MYMX: variants seen among roughly 807,000 people sequenced by gnomAD.
The protein encoded by MYMX is myomixer, myoblast fusion factor, also known as protein myomixer.
chr6:44,194,734 C>G, the MYMX span, among the ~76,000 whole-genome samples: 2 of 152,176 alleles, frequency 1.3e-5, no homozygotes, highest in South Asian at 2.1e-4. Flanking sequence ...CCCTAACTGC[C>G]AGGCCACACT....
chr6:44,212,009 T>A (rs1352441801), upstream of MYMX, among the ~76,000 whole-genome samples: 1 of 152,066 alleles, frequency 6.6e-6, no homozygotes, highest in Non-Finnish European at 1.5e-5. Context: ...CACCTGGGTT[T>A]AGGCAATCCT....
chr6:44,213,556 G>A (rs1361908966), upstream of MYMX, among the ~76,000 whole-genome samples: 1 of 151,282 alleles, frequency 6.6e-6, no homozygotes, highest in Non-Finnish European at 1.5e-5. Flanking sequence ...CGAGTAGCTG[G>A]GATTACAGGC....
At chr6:44,196,793 T>C in the MYMX span, among the ~76,000 whole-genome samples, 1 of 151,942 alleles carries the variant, frequency 6.6e-6, no homozygotes, top group Non-Finnish European at 1.5e-5. Flanking sequence ...ACCCTGTCTC[T>C]ATTAAAAATA....
chr6:44,193,926 G>C, the MYMX span, among the ~76,000 whole-genome samples: 33,035 of 152,018 alleles, frequency 0.22, 4,831 homozygotes, highest in African/African-American at 0.41. Context: ...AGAGGCTGCC[G>C]TGAACTGAGA....
chr6:44,215,644 C>T (rs1775823153), upstream of MYMX, among the ~76,000 whole-genome samples: 1 of 151,852 alleles, frequency 6.6e-6, no homozygotes, highest in Non-Finnish European at 1.5e-5. Context: ...CCTGTAATCC[C>T]AACACTTTGG....
chr6:44,197,298 G>A, the MYMX span, among the ~76,000 whole-genome samples: 14 of 151,510 alleles, frequency 9.2e-5, no homozygotes, highest in East Asian at 3.9e-4. Context: ...TTTGGGAGGC[G>A]GAGGCAGGCG....
At chr6:44,199,706 G>C in the MYMX span, among the ~76,000 whole-genome samples, 2 of 139,524 alleles carry the variant, frequency 1.4e-5, no homozygotes, top group Non-Finnish European at 3.1e-5. Context: ...TTTTTTTTGA[G>C]ACAGTCTCTC....
chr6:44,205,666 A>G, the MYMX span, among the ~76,000 whole-genome samples: 5,311 of 151,120 alleles, frequency 0.035, 312 homozygotes, highest in African/African-American at 0.12. Context: ...GAAATTAGCC[A>G]GGCATGGTGG....
the MYMX span, among the ~76,000 whole-genome samples, chr6:44,211,777 C>A: frequency 1.4e-5 from 1 of 71,604 alleles, no homozygotes; most frequent in Non-Finnish European, 3.0e-5. Context: ...GCCACCATGT[C>A]CAGCTAGGTT....
chr6:44,201,299 C>T, the MYMX span, among the ~76,000 whole-genome samples: 1 of 152,202 alleles, frequency 6.6e-6, no homozygotes, highest in Non-Finnish European at 1.5e-5. Flanking sequence ...TGGGCTAGAA[C>T]TCCGCCCATT....
At chr6:44,211,224 A>T in the MYMX span, among the ~76,000 whole-genome samples, 2 of 152,256 alleles carry the variant, frequency 1.3e-5, no homozygotes, top group African/African-American at 4.8e-5. Flanking sequence ...CTTACTTCCT[A>T]GTTTTCGCTA....
At chr6:44,204,283 G>A in the MYMX span, among the ~76,000 whole-genome samples, 1 of 152,188 alleles carries the variant, frequency 6.6e-6, no homozygotes, top group East Asian at 1.9e-4. Flanking sequence ...AGGTGGGGTG[G>A]AAGGACTGTA....
At chr6:44,196,853 G>A in the MYMX span, among the ~76,000 whole-genome samples, 2 of 152,278 alleles carry the variant, frequency 1.3e-5, no homozygotes, top group Admixed American at 1.3e-4. Flanking sequence ...AGCTGCTCAG[G>A]AGGCTGAGGC....
chr6:44,213,155 G>A, upstream of MYMX, among the ~76,000 whole-genome samples: 1 of 152,120 alleles, frequency 6.6e-6, no homozygotes, highest in Non-Finnish European at 1.5e-5. Flanking sequence ...GGAGGTGGAG[G>A]TGGGTGGATC....
At chr6:44,217,262 G>A (rs1775929511) in intron 1 of MYMX, among the ~76,000 whole-genome samples, 188 bp from the exon 2 acceptor site, 1 of 152,128 alleles carries the variant, frequency 6.6e-6, no homozygotes, top group Admixed American at 6.5e-5. Context: ...GTGCTATGGT[G>A]AGAACCTTCC....
At chr6:44,213,578 C>T (rs6458374), upstream of MYMX, among the ~76,000 whole-genome samples, 124,334 of 151,018 alleles carry the variant, frequency 0.82, 51,537 homozygotes, top group African/African-American at 0.91. Context: ...CGTGCCACCA[C>T]GCCCAGCTAA....
chr6:44,203,456 T>C, the MYMX span, among the ~76,000 whole-genome samples: 2 of 152,224 alleles, frequency 1.3e-5, no homozygotes, highest in Admixed American at 1.3e-4. Flanking sequence ...AAAGACAGTT[T>C]CAGGATTTCC....
At chr6:44,205,856 T>C in the MYMX span, among the ~76,000 whole-genome samples, 4 of 151,680 alleles carry the variant, frequency 2.6e-5, no homozygotes, top group Non-Finnish European at 4.4e-5. Context: ...GGTGCATGCC[T>C]GTAGTCTCAG....
chr6:44,200,799 G>T, the MYMX span, among the ~76,000 whole-genome samples: 1 of 152,134 alleles, frequency 6.6e-6, no homozygotes, highest in East Asian at 1.9e-4. Flanking sequence ...TCCCTCTGAG[G>T]CATTGCCAGA....
Sources: gnomAD v4.1 joint callset for allele counts (sites outside exome capture counted in the v4.1 genomes callset) on GRCh38, gnomAD v4.1.1 for gene constraint, MANE v1.5 for transcripts, NCBI Gene and HGNC (gene_info 2026-07-23, HGNC 2026-07-21) for gene names.